The following UBE2H variants were observed in gnomAD, a reference collection of about 807,000 sequenced individuals.
UBE2H encodes the protein ubiquitin-conjugating enzyme E2 H.
Under a neutral mutation model 29.0 loss-of-function variants are expected in UBE2H, and 3 were observed. That is an observed-to-expected ratio of 0.10 (90% CI 0.05 to 0.27). The LOEUF is 0.27. Among genes scored for constraint, UBE2H ranks in the 10% least tolerant of loss-of-function variants. The pLI is 1.00. For synonymous variants in UBE2H, 69 were observed against 82.9 expected, an observed-to-expected ratio of 0.83 and a Z score of 0.91; for missense variants, 68 against 228.2, an observed-to-expected ratio of 0.30 and a Z score of 4.52.
chr7:129,895,325 A>T (rs1485462025), intron 1 of UBE2H, among the ~76,000 whole-genome samples: 1 of 152,182 alleles, frequency 6.6e-6, no homozygotes. Context: ...GGGGAGACGA[A>T]ACCATTGCGC....
At chr7:129,874,810 A>G (rs930889224) in intron 3 of UBE2H, among the ~76,000 whole-genome samples, 4 of 152,200 alleles carry the variant, frequency 2.6e-5, no homozygotes, top group African/African-American at 9.6e-5. Context: ...CACCCAAGAG[A>G]AGAGAAAAAG....
chr7:129,892,767 C>T (rs189889087), intron 1 of UBE2H, among the ~76,000 whole-genome samples: 18 of 152,096 alleles, frequency 1.2e-4, no homozygotes, highest in African/African-American at 4.3e-4. Context: ...GGAGATGACA[C>T]TGGGCTACTA....
At chr7:129,838,632 G>A (rs992937849) in intron 6 of UBE2H, among the ~76,000 whole-genome samples, 6 of 152,038 alleles carry the variant, frequency 3.9e-5, no homozygotes, top group Non-Finnish European at 7.4e-5. Context: ...AACCCAGGTG[G>A]AGCTTTAGAT....
chr7:129,837,435 G>A (rs945385613), intron 6 of UBE2H, among the ~76,000 whole-genome samples: 2 of 152,106 alleles, frequency 1.3e-5, no homozygotes, highest in Non-Finnish European at 2.9e-5. Context: ...AAGAAATGAG[G>A]GCACAGATTA....
At chr7:129,888,679 T>G (rs1806413680) in intron 1 of UBE2H, among the ~76,000 whole-genome samples, 1 of 152,174 alleles carries the variant, frequency 6.6e-6, no homozygotes, top group Non-Finnish European at 1.5e-5. Flanking sequence ...TTCACCATAT[T>G]GGCCAGGCTG....
intron 1 of UBE2H, among the ~76,000 whole-genome samples, chr7:129,950,685 G>A (rs1283670458): frequency 6.6e-6 from 1 of 152,172 alleles, no homozygotes; most frequent in East Asian, 1.9e-4. Flanking sequence ...CATTAGGTGT[G>A]ACAGTAACTC....
chr7:129,916,741 C>T (rs1241929177), intron 1 of UBE2H, among the ~76,000 whole-genome samples: 1 of 152,134 alleles, frequency 6.6e-6, no homozygotes, highest in Non-Finnish European at 1.5e-5. Context: ...AAACCACCTG[C>T]AAAAGTTCCA....
intron 1 of UBE2H, among the ~76,000 whole-genome samples, chr7:129,913,671 G>A (rs1806986523): frequency 1.3e-5 from 2 of 152,158 alleles, no homozygotes; most frequent in African/African-American, 4.8e-5. Flanking sequence ...GGGTGCAGTG[G>A]CATGCATCTG....
At chr7:129,941,459 G>C (rs1409185715) in intron 1 of UBE2H, among the ~76,000 whole-genome samples, 1 of 152,110 alleles carries the variant, frequency 6.6e-6, no homozygotes, top group Non-Finnish European at 1.5e-5. Flanking sequence ...TATATGCTCA[G>C]GGCACCATTC....
intron 3 of UBE2H, among the ~76,000 whole-genome samples, chr7:129,873,954 C>T (rs530534054): frequency 3.9e-5 from 6 of 152,140 alleles, no homozygotes; most frequent in African/African-American, 9.7e-5. Context: ...AGATATAGAT[C>T]GGTAGCATTT....
At chr7:129,934,638 T>TTAA (rs1554440987) in intron 1 of UBE2H, among the ~76,000 whole-genome samples, 51 of 65,840 alleles carry the variant, frequency 7.7e-4, no homozygotes, top group East Asian at 1.5e-3. Context: ...ACTCCGTCTT[T>TTAA]AAAAAAAAAA....
intron 6 of UBE2H, 137 bp downstream of exon 6, chr7:129,839,070 A>AC (rs34412294): frequency 0.079 from 104,985 of 1,328,338 alleles, 4,645 homozygotes; most frequent in Non-Finnish European, 0.092. Context: ...GGTGAGCACT[A>AC]CTTCAGCCCA....
chr7:129,897,950 C>A (rs62491522), intron 1 of UBE2H, among the ~76,000 whole-genome samples: 22,125 of 152,050 alleles, frequency 0.15, 1,677 homozygotes, highest in Admixed American at 0.2. Context: ...TATTTATTAT[C>A]TTTATCAACA....
At chr7:129,862,749 G>A (rs930694476) in intron 3 of UBE2H, among the ~76,000 whole-genome samples, 1 of 152,134 alleles carries the variant, frequency 6.6e-6, no homozygotes, top group African/African-American at 2.4e-5. Context: ...GAGAAGTGAT[G>A]TCACAGAGGT....
intron 3 of UBE2H, among the ~76,000 whole-genome samples, chr7:129,863,887 C>A (rs1296177228): frequency 6.6e-6 from 1 of 151,330 alleles, no homozygotes; most frequent in Non-Finnish European, 1.5e-5. Context: ...TCACTGCAAC[C>A]TCCGCCTCCT....
At chr7:129,836,516 G>C (rs1046875219) in intron 6 of UBE2H, among the ~76,000 whole-genome samples, 2 of 152,234 alleles carry the variant, frequency 1.3e-5, no homozygotes, top group African/African-American at 4.8e-5. Context: ...TATGGCATAG[G>C]AGAGGCCACT....
intron 3 of UBE2H, among the ~76,000 whole-genome samples, chr7:129,865,948 G>A (rs116311229): frequency 0.047 from 7,167 of 152,148 alleles, 270 homozygotes; most frequent in African/African-American, 0.087. Flanking sequence ...GAGTAAGGGT[G>A]GGGGGGTGCT....
At chr7:129,852,398 C>T (rs1438145580) in intron 5 of UBE2H, among the ~76,000 whole-genome samples, 1 of 151,466 alleles carries the variant, frequency 6.6e-6, no homozygotes, top group African/African-American at 2.4e-5. Context: ...ACCCGGGAGG[C>T]GGAGCTCGCA....
In UBE2H at chr7:129,833,407, A is replaced by C. The variant is rs1257450266; in HGVS notation, c.*1530T>G. 1 of 152,360 alleles carries C rather than the reference A, an allele frequency of 6.6e-6. No homozygotes were observed. Among genetic ancestry groups the C allele is most frequent in the Non-Finnish European group, 1.5e-5 (1 of 68,034 alleles). The allele number at this position is 152,360 out of a possible 1,614,324, so 9.4% of individuals were successfully genotyped here. ...GGTTTTAGGATTGGCTAATTCTGCTATTATCTTATTGGCTGCGGCAAAAAA... is the reference window on the plus strand; with the variant it reads ...GGTTTTAGGATTGGCTAATTCTGCTCTTATCTTATTGGCTGCGGCAAAAAA... On this transcript the variant is annotated 3_prime_UTR_variant, in exon 7 of 7. Coordinates refer to ENST00000355621, the MANE Select transcript of UBE2H (RefSeq NM_003344.4).
Sources: gnomAD v4.1 joint callset for allele counts (sites outside exome capture counted in the v4.1 genomes callset) on GRCh38, gnomAD v4.1.1 for gene constraint, MANE v1.5 for transcripts, NCBI Gene and HGNC (gene_info 2026-07-23, HGNC 2026-07-21) for gene names.